Variants in PTPRD observed in about 807,000 individuals in gnomAD.
The protein encoded by PTPRD is receptor-type tyrosine-protein phosphatase delta.
Under a neutral mutation model 214.5 loss-of-function variants are expected in PTPRD, and 34 were observed. The observed-to-expected ratio is 0.16, with a 90% CI of 0.12 to 0.21. The LOEUF is 0.21. Ranked by LOEUF, PTPRD falls within the 10% of genes least tolerant of loss-of-function variation. The pLI is 1.00. For synonymous variants in PTPRD, 1,128 were observed against 845.7 expected, an observed-to-expected ratio of 1.33 and a Z score of -5.79; for missense variants, 2,545 against 2,398.7, an observed-to-expected ratio of 1.06 and a Z score of -1.27.
intron 30 of PTPRD, among the ~76,000 whole-genome samples, chr9:8,473,085 C>T (rs1034111939): frequency 3.9e-5 from 6 of 152,132 alleles, no homozygotes; most frequent in African/African-American, 1.2e-4. Flanking sequence ...TTCAGTAAGA[C>T]TGCATGAAAT....
chr9:9,446,775 G>T (rs1373566300), intron 8 of PTPRD, among the ~76,000 whole-genome samples: 4 of 151,990 alleles, frequency 2.6e-5, no homozygotes, highest in African/African-American at 4.8e-5. Flanking sequence ...TTTGACAAGG[G>T]TCTAGTATCC....
rs560577044 is a variant in PTPRD at position 8,326,464 on chromosome 9, C to T, written c.5534+5118G>A. ...AAGCTTTTTGATGTGCTGCTGGATT[C>T]GGTTTGCCAGTATTTTATTGAGGAT... On this transcript the variant is annotated intron_variant, in intron 44 of 45. Coordinates refer to ENST00000381196, the MANE Select transcript of PTPRD (RefSeq NM_002839.4). Among the ~76,000 whole-genome samples, 51 of 151,416 alleles carry T rather than the reference C, an allele frequency of 3.4e-4. 1 individual carries two copies. Among genetic ancestry groups the T allele is most frequent in the African/African-American group, 1.1e-3 (46 of 41,382 alleles).
At chr9:10,125,122 T>G (rs2098805962) in intron 3 of PTPRD, among the ~76,000 whole-genome samples, 1 of 152,188 alleles carries the variant, frequency 6.6e-6, no homozygotes, top group Non-Finnish European at 1.5e-5. Flanking sequence ...TGCTGATGAT[T>G]TTCTGAGGCA....
intron 11 of PTPRD, among the ~76,000 whole-genome samples, chr9:8,864,121 G>A (rs879843966): frequency 2.6e-5 from 4 of 152,150 alleles, no homozygotes; most frequent in Non-Finnish European, 5.9e-5. Context: ...GTTGTGAGGA[G>A]GATTCTTTGA....
intron 3 of PTPRD, among the ~76,000 whole-genome samples, chr9:10,153,033 C>T (rs1248139834): frequency 2.0e-5 from 3 of 152,088 alleles, no homozygotes; most frequent in South Asian, 2.1e-4. Flanking sequence ...AATGGGGAGA[C>T]GTTGGTCAAA....
intron 4 of PTPRD, among the ~76,000 whole-genome samples, chr9:9,992,263 C>T (rs1318909025): frequency 6.6e-6 from 1 of 152,078 alleles, no homozygotes; most frequent in Non-Finnish European, 1.5e-5. Flanking sequence ...CTCAATAAAG[C>T]TACTAAAAGT....
At chr9:9,946,016 T>C (rs1367148434) in intron 4 of PTPRD, among the ~76,000 whole-genome samples, 2 of 76,794 alleles carry the variant, frequency 2.6e-5, no homozygotes, top group African/African-American at 8.8e-5. Flanking sequence ...TAAAAACTAC[T>C]ATATGTTAGA....
intron 33 of PTPRD, among the ~76,000 whole-genome samples, chr9:8,457,243 T>A (rs1011382641): frequency 1.3e-5 from 2 of 152,168 alleles, no homozygotes; most frequent in African/African-American, 4.8e-5. Context: ...GAACTGGGAC[T>A]TGGATTCGGG....
At chr9:10,549,507 C>A (rs2060853406) in intron 2 of PTPRD, among the ~76,000 whole-genome samples, 2 of 152,238 alleles carry the variant, frequency 1.3e-5, no homozygotes, top group East Asian at 3.9e-4. Flanking sequence ...GGACTCATTC[C>A]AGCAGAGATT....
intron 2 of PTPRD, among the ~76,000 whole-genome samples, chr9:10,597,570 G>C (rs1374202885): frequency 6.6e-6 from 1 of 151,654 alleles, no homozygotes; most frequent in African/African-American, 2.4e-5. Flanking sequence ...CTTTGTTAAG[G>C]AGTTAAAACA....
chr9:10,511,098 C>G (rs1056602324), intron 2 of PTPRD, among the ~76,000 whole-genome samples: 1 of 152,004 alleles, frequency 6.6e-6, no homozygotes, highest in African/African-American at 2.4e-5. Flanking sequence ...AACAGTGTAT[C>G]CTTTTTATCA....
At chr9:9,484,916 C>A (rs1347988268) in intron 8 of PTPRD, among the ~76,000 whole-genome samples, 2 of 152,118 alleles carry the variant, frequency 1.3e-5, no homozygotes, top group African/African-American at 4.8e-5. Flanking sequence ...TTATTAGAAG[C>A]ATCAATGCAT....
intron 10 of PTPRD, among the ~76,000 whole-genome samples, chr9:9,060,592 A>C (rs547803662): frequency 1.3e-5 from 2 of 152,216 alleles, no homozygotes; most frequent in East Asian, 3.9e-4. Context: ...AAGAGAAGAT[A>C]TTTTTCACAT....
chr9:9,962,119 T>C (rs2094406182), intron 4 of PTPRD, among the ~76,000 whole-genome samples: 1 of 152,106 alleles, frequency 6.6e-6, no homozygotes, highest in Non-Finnish European at 1.5e-5. Context: ...CAGAACCAAA[T>C]TTTTAAAAAG....
chr9:8,389,455 G>T (rs1225764603), intron 36 of PTPRD, 48 bp from the exon 37 acceptor site: 5 of 1,474,262 alleles, frequency 3.4e-6, no homozygotes, highest in Non-Finnish European at 4.6e-6. Flanking sequence ...ATCACAAGAG[G>T]AAACAGCCTG....
At chr9:9,706,397 T>C (rs761597583) in intron 7 of PTPRD, among the ~76,000 whole-genome samples, 6 of 152,142 alleles carry the variant, frequency 3.9e-5, no homozygotes, top group Admixed American at 1.3e-4. Context: ...TATTGTACTA[T>C]TGTTATTTAC....
At chr9:8,360,744 C>G (rs931813305) in intron 39 of PTPRD, among the ~76,000 whole-genome samples, 6 of 152,074 alleles carry the variant, frequency 3.9e-5, no homozygotes, top group African/African-American at 1.4e-4. Flanking sequence ...CCAAATTATC[C>G]AGGCTATGAA....
chr9:9,409,356 T>C (rs2074606416), intron 8 of PTPRD, among the ~76,000 whole-genome samples: 1 of 151,994 alleles, frequency 6.6e-6, no homozygotes, highest in African/African-American at 2.4e-5. Flanking sequence ...GAATATTTTA[T>C]TTTACCTTGA....
intron 3 of PTPRD, among the ~76,000 whole-genome samples, chr9:10,311,811 C>T (rs756017941): frequency 1.3e-5 from 2 of 152,052 alleles, no homozygotes; most frequent in Non-Finnish European, 2.9e-5. Flanking sequence ...TCCATCCTCA[C>T]TGTTAACCAC....
Sources: allele counts gnomAD v4.1 joint callset (sites outside exome capture counted in the v4.1 genomes callset), GRCh38; gene constraint gnomAD v4.1.1; transcripts MANE v1.5; gene names NCBI Gene and HGNC (gene_info 2026-07-23, HGNC 2026-07-21).